The following MKLN1 variants were observed in gnomAD, a reference collection of about 807,000 sequenced individuals.
MKLN1 encodes muskelin 1.
A neutral mutation model predicts 99.0 loss-of-function variants in MKLN1; 18 were observed. That is an observed-to-expected ratio of 0.18 (90% CI 0.13 to 0.27). The LOEUF is 0.27. MKLN1 is among the 10% of genes least tolerant of loss of function. MKLN1 has a pLI of 1.00. For missense variants in MKLN1, 621 were observed against 875.9 expected (o/e 0.71, Z 3.67); for synonymous variants, 288 against 293.2 (o/e 0.98, Z 0.18).
At chr7:131,418,369 CAAAAAAAAAAAAA>C (rs943898750) in intron 8 of MKLN1, among the ~76,000 whole-genome samples, 2 of 54,784 alleles carry the variant, frequency 3.7e-5, no homozygotes. Context: ...GACTTCGTCT[CAAAAAAAAAAAAA>C]AAAAAAAAAA....
intron 3 of MKLN1, among the ~76,000 whole-genome samples, chr7:131,257,018 A>C (rs966581120): frequency 6.6e-6 from 1 of 152,224 alleles, no homozygotes; most frequent in African/African-American, 2.4e-5. Context: ...ATACATACAT[A>C]CTTGCTTTAT....
intron 3 of MKLN1, among the ~76,000 whole-genome samples, chr7:131,318,120 T>C (rs966250073): frequency 3.3e-5 from 5 of 152,174 alleles, no homozygotes; most frequent in African/African-American, 1.2e-4. Flanking sequence ...TTAATAGATA[T>C]CTATAGAACT....
intron 3 of MKLN1, among the ~76,000 whole-genome samples, chr7:131,283,601 A>G (rs959551271): frequency 1.3e-5 from 2 of 151,552 alleles, no homozygotes; most frequent in African/African-American, 4.8e-5. Context: ...CAGCTGGCTA[A>G]TTTTTGTATT....
chr7:131,275,087 G>T (rs1797940252), intron 3 of MKLN1, among the ~76,000 whole-genome samples: 1 of 152,074 alleles, frequency 6.6e-6, no homozygotes, highest in Admixed American at 6.6e-5. Flanking sequence ...AAGTACCATT[G>T]GCTGGTTGGC....
At chr7:131,219,652 G>T (rs190757358) in intron 3 of MKLN1, among the ~76,000 whole-genome samples, 183 of 152,154 alleles carry the variant, frequency 1.2e-3, no homozygotes, top group Middle Eastern at 0.01. Context: ...TTAGGCCATG[G>T]TACAAATGGC....
At chr7:131,395,092 T>C (rs965390229) in intron 4 of MKLN1, among the ~76,000 whole-genome samples, 1 of 151,786 alleles carries the variant, frequency 6.6e-6, no homozygotes, top group African/African-American at 2.4e-5. Flanking sequence ...TGGGTACTTA[T>C]CTTCCAAAAT....
At chr7:131,481,859 C>T (rs1156667883) in intron 17 of MKLN1, among the ~76,000 whole-genome samples, 2 of 149,312 alleles carry the variant, frequency 1.3e-5, no homozygotes, top group Non-Finnish European at 3.0e-5. Flanking sequence ...TGAATGACTT[C>T]CTCCAGAAAT....
At chr7:131,152,944 C>T (rs953868832) in intron 2 of MKLN1, among the ~76,000 whole-genome samples, 1 of 151,696 alleles carries the variant, frequency 6.6e-6, no homozygotes, top group African/African-American at 2.4e-5. Flanking sequence ...TAGAACTTCC[C>T]ACAGTCTGGA....
chr7:131,186,026 A>G (rs1246770589), intron 2 of MKLN1, among the ~76,000 whole-genome samples: 1 of 151,606 alleles, frequency 6.6e-6, no homozygotes, highest in Non-Finnish European at 1.5e-5. Context: ...CCCCGTCTTC[A>G]CTAAAAAAAA....
At chr7:131,260,867 A>C (rs959250066) in intron 3 of MKLN1, among the ~76,000 whole-genome samples, 1 of 151,014 alleles carries the variant, frequency 6.6e-6, no homozygotes, top group South Asian at 2.1e-4. Context: ...GATGTTTGAC[A>C]AAGTCAACAA....
chr7:131,358,326 A>G (rs578221873), intron 1 of MKLN1, among the ~76,000 whole-genome samples: 46 of 152,242 alleles, frequency 3.0e-4, no homozygotes, highest in African/African-American at 1.1e-3. Flanking sequence ...TCTTTAGCCT[A>G]TTGATGTGTA....
At chr7:131,457,170 G>T (rs1796369044) in intron 12 of MKLN1, among the ~76,000 whole-genome samples, 1 of 151,876 alleles carries the variant, frequency 6.6e-6, no homozygotes, top group South Asian at 2.1e-4. Flanking sequence ...CCAGCTACTC[G>T]GGAGGCTGAG....
chr7:131,211,933 G>A (rs1398506502), intron 3 of MKLN1, among the ~76,000 whole-genome samples: 3 of 152,156 alleles, frequency 2.0e-5, no homozygotes, highest in Non-Finnish European at 2.9e-5. Flanking sequence ...GATGAGTATT[G>A]AATGGTCTTA....
chr7:131,450,512 T>C (rs1420429272), intron 12 of MKLN1, among the ~76,000 whole-genome samples: 1 of 152,222 alleles, frequency 6.6e-6, no homozygotes, highest in Non-Finnish European at 1.5e-5. Context: ...AGTCTAAACT[T>C]AACATAATTC....
chr7:131,328,046 A>AC (rs1432647210), intron 1 of MKLN1, 49 bp downstream of exon 1: 1 of 1,592,964 alleles, frequency 6.3e-7, no homozygotes, highest in Non-Finnish European at 8.5e-7. Flanking sequence ...CCGCGTCAGC[A>AC]CGGTTGGGCC....
intron 1 of MKLN1, among the ~76,000 whole-genome samples, chr7:131,133,447 A>G (rs1376689636): frequency 7.4e-6 from 1 of 134,572 alleles, no homozygotes; most frequent in East Asian, 2.2e-4. Flanking sequence ...CTCCGCTCCC[A>G]GGTTCAAGCC....
chr7:131,127,999 C>A (rs1307331952), intron 1 of MKLN1, among the ~76,000 whole-genome samples: 2 of 152,052 alleles, frequency 1.3e-5, no homozygotes, highest in Non-Finnish European at 2.9e-5. Context: ...AGAATAAATT[C>A]AGGGGAGAGT....
At chr7:131,110,783 CTA>C (rs1440240488) in intron 1 of MKLN1, among the ~76,000 whole-genome samples, 1 of 152,212 alleles carries the variant, frequency 6.6e-6, no homozygotes, top group African/African-American at 2.4e-5. Flanking sequence ...AGAAAGAAAA[CTA>C]TGTGTGACAT....
chr7:131,326,193 T>C (rs904214989), upstream of MKLN1, among the ~76,000 whole-genome samples: 3 of 152,166 alleles, frequency 2.0e-5, no homozygotes, highest in Non-Finnish European at 4.4e-5. Context: ...ATAACCACTA[T>C]ATCATCTCTG....
Sources: gnomAD v4.1 joint callset for allele counts (sites outside exome capture counted in the v4.1 genomes callset) on GRCh38, gnomAD v4.1.1 for gene constraint, MANE v1.5 for transcripts, NCBI Gene and HGNC (gene_info 2026-07-23, HGNC 2026-07-21) for gene names.